The following SCD5 variants were observed in gnomAD, a reference collection of about 807,000 sequenced individuals.
SCD5 encodes the protein acyl-CoA-desaturase 4.
SCD5 carries 20 observed loss-of-function variants against 30.4 expected under a neutral mutation model. The ratio of observed to expected loss-of-function variants is 0.66; its 90% confidence interval spans 0.46 to 0.96. SCD5 has a LOEUF of 0.96. SCD5 is among the 40% of genes least tolerant of loss of function. The pLI, the probability that SCD5 is intolerant of heterozygous loss-of-function variation, is 0.00. For missense variants in SCD5, 381 were observed against 443.3 expected (o/e 0.86, Z 1.26); for synonymous variants, 173 against 176.4 (o/e 0.98, Z 0.16).
At chr4:82,671,146 G>C (rs1728311640) in intron 3 of SCD5, among the ~76,000 whole-genome samples, 2 of 152,302 alleles carry the variant, frequency 1.3e-5, no homozygotes, top group South Asian at 4.1e-4. Flanking sequence ...CAGGGATAGA[G>C]AGACATTACG....
chr4:82,746,306 G>C (rs1720980977), intron 1 of SCD5, among the ~76,000 whole-genome samples: 1 of 152,250 alleles, frequency 6.6e-6, no homozygotes, highest in African/African-American at 2.4e-5. Context: ...GACCAGGCTA[G>C]AGCTCTCTTA....
chr4:82,798,567 G>T lies in SCD5; in HGVS notation c.-30C>A, dbSNP rs746335707. ...GGGCGAGGTGGGCGCCCGCAGCAGC[G>T]GCAGGCAGGCAGGCGCTCTGCCCGA... On this transcript the variant is annotated 5_prime_UTR_variant, in exon 1 of 5. Transcript: ENST00000319540. 2.6e-6 allele frequency: 4 copies of T among 1,526,088 alleles called. No homozygotes were observed. The South Asian group carries it at 3.7e-5, about 14-fold the overall frequency. 94.5% of individuals were successfully genotyped at this position (1,526,088 alleles called of 1,614,324 possible).
chr4:82,679,769 C>T (rs1728529516), intron 3 of SCD5, among the ~76,000 whole-genome samples: 1 of 152,180 alleles, frequency 6.6e-6, no homozygotes, highest in South Asian at 2.1e-4. Flanking sequence ...GAGCACAGTC[C>T]TAAGCCATCC....
intron 4 of SCD5, among the ~76,000 whole-genome samples, chr4:82,633,662 G>A (rs1052412993): frequency 6.6e-6 from 1 of 152,118 alleles, no homozygotes; most frequent in Non-Finnish European, 1.5e-5. Flanking sequence ...TTATCCTTCT[G>A]ATAATAGTCA....
rs539752410 is a variant in SCD5 at position 82,639,479 on chromosome 4, C to CTTTCA, written c.570-2657_570-2656insTGAAA. Among the ~76,000 whole-genome samples the CTTTCA allele has an allele frequency of 2.9e-3, 445 of 152,366 alleles. 3 individuals carry two copies. The highest frequency in any genetic ancestry group is 1.0e-2 in the African/African-American group (414 of 41,586). ...CTATATGAAATTGAAAGGTATTATCCTTGCATCATCTGGGCATTGGCCTCA... is the reference window on the plus strand; with the variant it reads ...CTATATGAAATTGAAAGGTATTATCCTTTCATTGCATCATCTGGGCATTGGCCTCA... On this transcript the variant is annotated intron_variant, in intron 3 of 4. Coordinates refer to ENST00000319540, the MANE Select transcript of SCD5 (RefSeq NM_001037582.3).
chr4:82,632,432 A>G (rs1010637881), intron 4 of SCD5, among the ~76,000 whole-genome samples: 1 of 151,876 alleles, frequency 6.6e-6, no homozygotes, highest in Non-Finnish European at 1.5e-5. Context: ...AATCCAGTCT[A>G]TCATTGATGG....
At chr4:82,707,979 A>T (rs550451906) in intron 1 of SCD5, among the ~76,000 whole-genome samples, 3 of 152,240 alleles carry the variant, frequency 2.0e-5, no homozygotes, top group African/African-American at 2.4e-5. Context: ...TACAAAACAT[A>T]AGCAGGAACC....
chr4:82,634,459 A>G (rs926622335), intron 4 of SCD5, among the ~76,000 whole-genome samples: 1 of 151,140 alleles, frequency 6.6e-6, no homozygotes, highest in Non-Finnish European at 1.5e-5. Flanking sequence ...TTTTAAATTT[A>G]TGCCATCCCT....
intron 3 of SCD5, among the ~76,000 whole-genome samples, chr4:82,647,132 C>CT (rs1015412623): frequency 6.6e-6 from 1 of 152,136 alleles, no homozygotes; most frequent in South Asian, 2.1e-4. Context: ...GCCATCTCTA[C>CT]TTTTTTTGGT....
intron 1 of SCD5, among the ~76,000 whole-genome samples, chr4:82,781,381 A>G (rs1217490988): frequency 6.6e-6 from 1 of 151,480 alleles, no homozygotes; most frequent in African/African-American, 2.4e-5. Flanking sequence ...ACGCCACTGC[A>G]CTCTAGCCTG....
chr4:82,715,890 C>A (rs1720215891), intron 1 of SCD5, among the ~76,000 whole-genome samples: 1 of 151,736 alleles, frequency 6.6e-6, no homozygotes, highest in Admixed American at 6.6e-5. Flanking sequence ...TGTTCTGCTT[C>A]CAGTCCACTT....
chr4:82,778,184 A>G (rs536605078), intron 1 of SCD5, among the ~76,000 whole-genome samples: 3 of 152,172 alleles, frequency 2.0e-5, no homozygotes, highest in South Asian at 2.1e-4. Context: ...ACATGAACAC[A>G]GGGAAGGGAA....
At chr4:82,781,180 C>T (rs770398468) in intron 1 of SCD5, among the ~76,000 whole-genome samples, 2 of 152,090 alleles carry the variant, frequency 1.3e-5, no homozygotes, top group Non-Finnish European at 2.9e-5. Context: ...TTTGGGAGGC[C>T]GAGGCAGGCA....
intron 1 of SCD5, among the ~76,000 whole-genome samples, chr4:82,796,161 T>G: frequency 6.6e-6 from 1 of 151,666 alleles, no homozygotes; most frequent in Non-Finnish European, 1.5e-5. Flanking sequence ...TCCCAACTAC[T>G]TGGGAGGCTG....
At chr4:82,759,323 C>T (rs1163546402) in intron 1 of SCD5, among the ~76,000 whole-genome samples, 1 of 152,194 alleles carries the variant, frequency 6.6e-6, no homozygotes, top group Non-Finnish European at 1.5e-5. Flanking sequence ...GTGGGCAGTT[C>T]CCCAAGGGCA....
intron 1 of SCD5, among the ~76,000 whole-genome samples, chr4:82,796,163 G>A (rs1291926127): frequency 6.6e-6 from 1 of 151,938 alleles, no homozygotes; most frequent in Non-Finnish European, 1.5e-5. Context: ...CCAACTACTT[G>A]GGAGGCTGAA....
At chr4:82,711,097 A>C (rs1720075063) in intron 1 of SCD5, among the ~76,000 whole-genome samples, 1 of 152,178 alleles carries the variant, frequency 6.6e-6, no homozygotes, top group African/African-American at 2.4e-5. Flanking sequence ...TACTGCATGC[A>C]AAATTGGAAC....
chr4:82,717,716 G>A (rs1720259065), intron 1 of SCD5, among the ~76,000 whole-genome samples: 1 of 151,688 alleles, frequency 6.6e-6, no homozygotes, highest in African/African-American at 2.4e-5. Context: ...AGGAGTTCGA[G>A]ACCAGCCTGG....
chr4:82,783,129 A>G (rs1721909300), intron 1 of SCD5, among the ~76,000 whole-genome samples: 1 of 152,146 alleles, frequency 6.6e-6, no homozygotes, highest in African/African-American at 2.4e-5. Context: ...TGCAACTCAG[A>G]TGACTCCGAT....
Sources: allele counts gnomAD v4.1 joint callset (sites outside exome capture counted in the v4.1 genomes callset), GRCh38; gene constraint gnomAD v4.1.1; transcripts MANE v1.5; gene names NCBI Gene and HGNC (gene_info 2026-07-23, HGNC 2026-07-21).